The following EPB41L5 variants were observed in gnomAD, a reference collection of about 807,000 sequenced individuals.
EPB41L5 encodes erythrocyte membrane protein band 4.1 like 5, also known as band 4.1-like protein 5.
A neutral mutation model predicts 106.6 loss-of-function variants in EPB41L5; 55 were observed. The observed-to-expected ratio is 0.52, with a 90% CI of 0.42 to 0.65. The LOEUF (loss-of-function observed/expected upper bound fraction) is 0.65, where lower values mean the gene tolerates loss of function less well. EPB41L5 is among the 30% of genes least tolerant of loss of function. The probability of loss-of-function intolerance (pLI) is 0.00; values close to 1 mark genes in which losing one functional copy is unlikely to be tolerated. For synonymous variants in EPB41L5, 297 were observed against 306.7 expected, an observed-to-expected ratio of 0.97 and a Z score of 0.33; for missense variants, 871 against 882.1, an observed-to-expected ratio of 0.99 and a Z score of 0.16.
At chr2:120,133,272 G>A (rs1478265066) in intron 18 of EPB41L5, among the ~76,000 whole-genome samples, 1 of 152,128 alleles carries the variant, frequency 6.6e-6, no homozygotes, top group Non-Finnish European at 1.5e-5. Flanking sequence ...CTCCATACAA[G>A]AAAGCACCTT....
chr2:120,086,050 G>A (rs911292236), intron 10 of EPB41L5, among the ~76,000 whole-genome samples: 2 of 152,022 alleles, frequency 1.3e-5, no homozygotes, highest in African/African-American at 2.4e-5. Flanking sequence ...ACTAAGATTA[G>A]CCAGGCATAG....
intron 17 of EPB41L5, among the ~76,000 whole-genome samples, chr2:120,130,507 A>G (rs1392332138): frequency 3.3e-5 from 5 of 152,228 alleles, no homozygotes; most frequent in African/African-American, 9.6e-5. Flanking sequence ...TAGCAGAAAA[A>G]GGTTTAACAA....
intron 10 of EPB41L5, among the ~76,000 whole-genome samples, chr2:120,079,367 G>A (rs1476254343): frequency 6.6e-6 from 1 of 152,034 alleles, no homozygotes; most frequent in Non-Finnish European, 1.5e-5. Flanking sequence ...TAGATTAAAG[G>A]ACCCCAAAAC....
intron 2 of EPB41L5, among the ~76,000 whole-genome samples, chr2:120,031,123 C>T (rs1001952581): frequency 1.3e-5 from 2 of 152,218 alleles, no homozygotes; most frequent in Non-Finnish European, 2.9e-5. Context: ...CCCGCCTCGG[C>T]CTCCCAAAGT....
At position 120,177,126 on chromosome 2, in the gene EPB41L5, T is replaced by A. The variant is rs1420630381; in HGVS notation, c.*2219T>A. Reference sequence around the variant, plus strand: ...CTGCTGCTGCTGCCATGCGCAGAGCTGCTGTAACAGCTCTTCCTGTTCTGC... The same window carrying A: ...CTGCTGCTGCTGCCATGCGCAGAGCAGCTGTAACAGCTCTTCCTGTTCTGC... On this transcript the variant is annotated 3_prime_UTR_variant, in exon 25 of 25. Transcript: ENST00000263713. The A allele has an allele frequency of 6.6e-6, 1 of 152,252 alleles. No homozygotes were observed. The highest frequency in any genetic ancestry group is 2.4e-5 in the African/African-American group (1 of 41,446). The allele number at this position is 152,252 out of a possible 1,614,324, so 9.4% of individuals were successfully genotyped here. A position where few individuals can be genotyped will look rare whatever the true frequency, so the allele number is the denominator to read the frequency against.
intron 1 of EPB41L5, among the ~76,000 whole-genome samples, chr2:120,018,819 T>G (rs1264279143): frequency 6.6e-6 from 1 of 152,106 alleles, no homozygotes; most frequent in Non-Finnish European, 1.5e-5. Flanking sequence ...TGGCTAATTT[T>G]ATTTTTAGTA....
At chr2:120,106,857 A>G (rs1460140419) in intron 16 of EPB41L5, 3 of 983,966 alleles carry the variant, frequency 3.0e-6, no homozygotes, top group Non-Finnish European at 3.6e-6. Flanking sequence ...TTGATAGGAT[A>G]ATCATAGATA....
chr2:120,109,843 C>T (rs781057177), intron 16 of EPB41L5, among the ~76,000 whole-genome samples: 8 of 152,084 alleles, frequency 5.3e-5, no homozygotes, highest in Non-Finnish European at 1.5e-5. Flanking sequence ...TCTCTTGAAC[C>T]CATTCTAATC....
chr2:120,078,976 G>A (rs1024443442), intron 10 of EPB41L5, among the ~76,000 whole-genome samples: 1 of 152,050 alleles, frequency 6.6e-6, no homozygotes, highest in African/African-American at 2.4e-5. Context: ...TCTCTAAGCT[G>A]TGCTCCTTAT....
intron 9 of EPB41L5, among the ~76,000 whole-genome samples, chr2:120,077,789 G>A (rs957693141): frequency 1.3e-5 from 2 of 151,968 alleles, no homozygotes; most frequent in African/African-American, 2.4e-5. Context: ...CCAGAAAGGC[G>A]GTTGTATTAG....
chr2:120,166,917 A>AAAAT (rs1241320038), intron 22 of EPB41L5, among the ~76,000 whole-genome samples: 2 of 152,228 alleles, frequency 1.3e-5, no homozygotes, highest in African/African-American at 4.8e-5. Context: ...TAAACATATA[A>AAAAT]AAATAATGTA....
chr2:120,097,165 CAT>C (rs1367655275), intron 14 of EPB41L5, among the ~76,000 whole-genome samples: 2 of 152,114 alleles, frequency 1.3e-5, no homozygotes, highest in African/African-American at 2.4e-5. Flanking sequence ...CTCTGGAAAA[CAT>C]AGCAGAAATG....
intron 17 of EPB41L5, among the ~76,000 whole-genome samples, chr2:120,128,692 G>A (rs1685563002): frequency 6.7e-6 from 1 of 149,970 alleles, no homozygotes; most frequent in Non-Finnish European, 1.5e-5. Context: ...ACAAACAAAT[G>A]TTCTGGTACA....
At chr2:120,127,536 TG>T (rs1196322661) in intron 16 of EPB41L5, 151 bp from the exon 17 acceptor site, 11 of 585,408 alleles carry the variant, frequency 1.9e-5, no homozygotes, top group Admixed American at 1.0e-4. Flanking sequence ...TATTTTTAAA[TG>T]TTTTTTTAAT....
intron 3 of EPB41L5, among the ~76,000 whole-genome samples, chr2:120,058,616 A>C (rs572087710): frequency 1.1e-3 from 167 of 152,342 alleles, no homozygotes; most frequent in African/African-American, 3.7e-3. Context: ...TTTTACATTT[A>C]CCTGCAAAAG....
chr2:120,078,504 G>A lies in EPB41L5; in HGVS notation c.726G>A (p.Gly242=). ...TCCCCTTAAATTAGGCTAGAGATGGGAATGACTATAGTTTGGGACTAACAC... is the reference window on the plus strand; with the variant it reads ...TCCCCTTAAATTAGGCTAGAGATGGAAATGACTATAGTTTGGGACTAACAC... ...VDMHVVKARD[G]NDYSLGLTPT... The change falls in exon 10 of 25, where the codon GGG becomes GGA. Residue 242 remains glycine (G), a synonymous_variant. Coordinates refer to ENST00000263713, the MANE Select transcript of EPB41L5 (RefSeq NM_020909.4). 1.2e-6 allele frequency: 2 copies of A among 1,604,516 alleles called. No individual in the cohort carries two copies. The highest frequency in any genetic ancestry group is 1.7e-6 in the Non-Finnish European group (2 of 1,175,838).
intron 16 of EPB41L5, among the ~76,000 whole-genome samples, chr2:120,103,807 T>A (rs994299158): frequency 6.6e-6 from 1 of 152,228 alleles, no homozygotes; most frequent in African/African-American, 2.4e-5. Context: ...AATTTCTTCT[T>A]TAATTCACTT....
chr2:120,167,407 A>AGTATG (rs940127812), intron 22 of EPB41L5, 59 bp from the exon 23 acceptor site: 2 of 1,370,942 alleles, frequency 1.5e-6, no homozygotes, highest in African/African-American at 2.9e-5. Flanking sequence ...AAGTATTATA[A>AGTATG]GTATGAAAAT....
intron 3 of EPB41L5, among the ~76,000 whole-genome samples, chr2:120,043,472 G>C (rs1445358914): frequency 6.6e-6 from 1 of 151,852 alleles, no homozygotes; most frequent in Non-Finnish European, 1.5e-5. Flanking sequence ...GCTTGAACCC[G>C]GGAGGCAGAG....
Sources: gnomAD v4.1 joint callset for allele counts (sites outside exome capture counted in the v4.1 genomes callset) on GRCh38, gnomAD v4.1.1 for gene constraint, MANE v1.5 for transcripts, NCBI Gene and HGNC (gene_info 2026-07-23, HGNC 2026-07-21) for gene names.